DLC1: variants seen among roughly 807,000 people sequenced by gnomAD.
The protein encoded by DLC1 is rho GTPase-activating protein 7.
DLC1 carries 54 observed loss-of-function variants against 140.3 expected under a neutral mutation model. The observed-to-expected ratio is 0.38, with a 90% CI of 0.31 to 0.48. DLC1 has a LOEUF of 0.48. Among genes scored for constraint, DLC1 ranks in the 20% least tolerant of loss-of-function variants. The probability of loss-of-function intolerance (pLI) is 0.96; values close to 1 mark genes in which losing one functional copy is unlikely to be tolerated. For synonymous variants in DLC1, 986 were observed against 728.1 expected, an observed-to-expected ratio of 1.35 and a Z score of -5.70; for missense variants, 2,536 against 1,907.0, an observed-to-expected ratio of 1.33 and a Z score of -6.14.
chr8:13,459,754 G>C (rs1025382417), intron 2 of DLC1, among the ~76,000 whole-genome samples: 4 of 151,458 alleles, frequency 2.6e-5, no homozygotes, highest in East Asian at 1.9e-4. Context: ...TTGATTTTTA[G>C]AAAAAAAAGG....
In DLC1 at chr8:13,199,972, C is replaced by T. The variant is rs1428580570; in HGVS notation, c.1349-84315G>A. On this transcript the variant is annotated intron_variant, in intron 5 of 17. Coordinates refer to ENST00000276297, the MANE Select transcript of DLC1 (RefSeq NM_182643.3). ...GCATGTATTAAGTATTTATAGTATG[C>T]TAGGCAATGTTCTGAAAGAGTTAGA... Among the ~76,000 whole-genome samples the T allele has an allele frequency of 3.9e-5, 6 of 152,130 alleles. No homozygotes were observed. The East Asian group carries it at 9.6e-4, about 24-fold the overall frequency.
chr8:13,208,473 A>G (rs1035009584), intron 5 of DLC1, among the ~76,000 whole-genome samples: 4 of 152,260 alleles, frequency 2.6e-5, no homozygotes, highest in South Asian at 4.1e-4. Flanking sequence ...AAACTATTCT[A>G]TTTTACAAAA....
intron 2 of DLC1, among the ~76,000 whole-genome samples, chr8:13,480,620 T>G (rs1422249571): frequency 6.6e-6 from 1 of 152,122 alleles, no homozygotes; most frequent in Non-Finnish European, 1.5e-5. Context: ...AATGCAAAAT[T>G]CATACAACCA....
At chr8:13,560,937 A>G (rs953174225) in intron 1 of DLC1, among the ~76,000 whole-genome samples, 5 of 152,032 alleles carry the variant, frequency 3.3e-5, no homozygotes, top group Non-Finnish European at 7.4e-5. Context: ...TTCAGTGATA[A>G]TATCCTTTAC....
intron 5 of DLC1, among the ~76,000 whole-genome samples, chr8:13,176,893 C>T (rs1825786968): frequency 6.6e-6 from 1 of 152,166 alleles, no homozygotes; most frequent in Admixed American, 6.5e-5. Context: ...ATGAGAAGAA[C>T]TGGCTGTTGC....
intron 2 of DLC1, among the ~76,000 whole-genome samples, chr8:13,444,358 T>C (rs1585118587): frequency 6.6e-6 from 1 of 152,082 alleles, no homozygotes; most frequent in Non-Finnish European, 1.5e-5. Flanking sequence ...AGATGACAAG[T>C]TGATGGGTGC....
intron 2 of DLC1, among the ~76,000 whole-genome samples, chr8:13,405,041 G>A (rs1007679979): frequency 1.3e-5 from 2 of 151,634 alleles, no homozygotes; most frequent in South Asian, 4.2e-4. Context: ...GTGTACTTCT[G>A]GAGGATTTTT....
At chr8:13,310,689 C>T (rs536736841) in intron 4 of DLC1, among the ~76,000 whole-genome samples, 1 of 152,298 alleles carries the variant, frequency 6.6e-6, no homozygotes, top group East Asian at 1.9e-4. Flanking sequence ...ATATTGTTAG[C>T]CAGTCAATGA....
chr8:13,471,698 A>G (rs1800216251), intron 2 of DLC1, among the ~76,000 whole-genome samples: 1 of 152,174 alleles, frequency 6.6e-6, no homozygotes, highest in Admixed American at 6.5e-5. Context: ...AAGTTAAAAA[A>G]AGAGAGAAGG....
chr8:13,599,685 A>T (rs1485605993), intron 1 of DLC1, among the ~76,000 whole-genome samples: 2 of 151,972 alleles, frequency 1.3e-5, no homozygotes, highest in Non-Finnish European at 2.9e-5. Context: ...TACCTTGCAT[A>T]TGGATTGGAA....
At chr8:13,555,338 T>TA (rs1270621789) in intron 1 of DLC1, among the ~76,000 whole-genome samples, 1 of 152,000 alleles carries the variant, frequency 6.6e-6, no homozygotes, top group Non-Finnish European at 1.5e-5. Flanking sequence ...GTTTTTTTTT[T>TA]AATAAGGTAT....
intron 2 of DLC1, among the ~76,000 whole-genome samples, chr8:13,412,275 G>A (rs1837813431): frequency 6.6e-6 from 1 of 152,014 alleles, no homozygotes; most frequent in Non-Finnish European, 1.5e-5. Flanking sequence ...AAGAAATCAT[G>A]ACCACACTCA....
chr8:13,542,570 T>C (rs1274093655), intron 1 of DLC1, among the ~76,000 whole-genome samples: 1 of 152,200 alleles, frequency 6.6e-6, no homozygotes, highest in Non-Finnish European at 1.5e-5. Context: ...GTCTTGGATT[T>C]TGATCGAGAT....
At chr8:13,353,688 C>G (rs906931383) in intron 4 of DLC1, among the ~76,000 whole-genome samples, 4 of 152,032 alleles carry the variant, frequency 2.6e-5, no homozygotes, top group African/African-American at 7.2e-5. Context: ...GAAACCCTGT[C>G]TCTAATTAAA....
intron 5 of DLC1, among the ~76,000 whole-genome samples, chr8:13,302,730 A>G (rs1475393313): frequency 6.8e-6 from 1 of 147,418 alleles, no homozygotes; most frequent in African/African-American, 2.5e-5. Flanking sequence ...AAAAAAAATG[A>G]CAGGCCTTAG....
intron 4 of DLC1, among the ~76,000 whole-genome samples, chr8:13,363,701 A>G (rs1470590131): frequency 6.6e-6 from 1 of 152,190 alleles, no homozygotes. Context: ...ACCAGCATGC[A>G]AAAATATCCT....
intron 5 of DLC1, among the ~76,000 whole-genome samples, chr8:13,141,106 T>C (rs1385451404): frequency 6.6e-6 from 1 of 151,650 alleles, no homozygotes; most frequent in Non-Finnish European, 1.5e-5. Flanking sequence ...AAATACAAAA[T>C]TAGCTGGGCA....
intron 4 of DLC1, among the ~76,000 whole-genome samples, chr8:13,322,642 T>G (rs1309915671): frequency 6.6e-6 from 1 of 152,194 alleles, no homozygotes; most frequent in Non-Finnish European, 1.5e-5. Context: ...TTTTAAATAA[T>G]TTTTAATCTG....
chr8:13,181,858 G>A (rs1325078054), intron 5 of DLC1, among the ~76,000 whole-genome samples: 1 of 152,116 alleles, frequency 6.6e-6, no homozygotes, highest in Non-Finnish European at 1.5e-5. Flanking sequence ...ACCCAGTAAT[G>A]GGATTTTGGG....
Sources: gnomAD v4.1 joint callset for allele counts (sites outside exome capture counted in the v4.1 genomes callset) on GRCh38, gnomAD v4.1.1 for gene constraint, MANE v1.5 for transcripts, NCBI Gene and HGNC (gene_info 2026-07-23, HGNC 2026-07-21) for gene names.